HNRNPLL: variants seen among roughly 807,000 people sequenced by gnomAD.
HNRNPLL encodes the protein heterogeneous nuclear ribonucleoprotein L-like.
HNRNPLL carries 25 observed loss-of-function variants against 67.1 expected under a neutral mutation model. That is an observed-to-expected ratio of 0.37 (90% CI 0.27 to 0.52). HNRNPLL has a LOEUF of 0.52. Ranked by LOEUF, HNRNPLL falls within the 20% of genes least tolerant of loss-of-function variation. HNRNPLL has a pLI of 0.90. For synonymous variants in HNRNPLL, 267 were observed against 241.7 expected (o/e 1.10, Z -0.97); for missense variants, 542 against 673.9 (o/e 0.80, Z 2.17).
chr2:38,583,848 T>C lies in HNRNPLL; in HGVS notation c.625A>G (p.Met209Val). The C allele has an allele frequency of 6.7e-7, 1 of 1,500,366 alleles. No individual in the cohort carries two copies. The highest frequency in any genetic ancestry group is 9.2e-7 in the Non-Finnish European group (1 of 1,087,664). The allele number at this position is 1,500,366 out of a possible 1,614,324, so 92.9% of individuals were successfully genotyped here. Residue 209 changes from methionine to valine, a missense_variant, in exon 4 of 13, where the codon ATG (methionine) becomes GTG (valine). Met to Val is a conservative substitution (Grantham distance 21). Around this residue, in one of 2 missense-constraint regions of HNRNPLL, gnomAD observed 415 missense variants for 575.2 expected, o/e 0.72. Coordinates refer to ENST00000449105, the MANE Select transcript of HNRNPLL (RefSeq NM_138394.4). ...TTTACAAATAAAGGATATTCAACCATTGCTTGTATCCCATTTCTCTTGAAT... is the reference window on the plus strand; with the variant it reads ...TTTACAAATAAAGGATATTCAACCACTGCTTGTATCCCATTTCTCTTGAAT... ...VIFKRNGIQA[M>V]VEFESVLCAQ...
At chr2:38,594,483 T>C (rs1358445458) in intron 1 of HNRNPLL, among the ~76,000 whole-genome samples, 1 of 152,144 alleles carries the variant, frequency 6.6e-6, no homozygotes, top group African/African-American at 2.4e-5. Context: ...AAAAAGTATG[T>C]ATATAAATAT....
chr2:38,569,481 G>A, intron 9 of HNRNPLL, 147 bp from the exon 10 acceptor site: 3 of 604,594 alleles, frequency 5.0e-6, no homozygotes, highest in Non-Finnish European at 5.8e-6. Flanking sequence ...ATTTAGTTTG[G>A]GTTATAATCA....
At chr2:38,565,160 A>G (rs764813603) in intron 12 of HNRNPLL, among the ~76,000 whole-genome samples, 7 of 152,180 alleles carry the variant, frequency 4.6e-5, no homozygotes, top group Non-Finnish European at 1.0e-4. Context: ...ATGTATCACA[A>G]TTTTAGTATT....
chr2:38,582,198 G>C (rs993058557), intron 4 of HNRNPLL, 30 bp from the exon 5 acceptor site: 5 of 1,435,968 alleles, frequency 3.5e-6, no homozygotes, highest in South Asian at 1.1e-5. Flanking sequence ...TTCGGTTTAA[G>C]GTATCTGATA....
chr2:38,600,792 AC>A (rs1237013626), intron 1 of HNRNPLL, among the ~76,000 whole-genome samples: 1 of 151,336 alleles, frequency 6.6e-6, no homozygotes, highest in Admixed American at 6.6e-5. Flanking sequence ...ACTCTTGACC[AC>A]CCCCAAGCCC....
At chr2:38,587,644 G>A (rs1666787179) in intron 2 of HNRNPLL, among the ~76,000 whole-genome samples, 1 of 152,002 alleles carries the variant, frequency 6.6e-6, no homozygotes, top group African/African-American at 2.4e-5. Context: ...AATTCAAGAA[G>A]AAAAAATCTT....
rs2148328780 is a variant in HNRNPLL, at chr2:38,563,124, CCTTAAAT to C, written c.*1051_*1057del. On this transcript the variant is annotated 3_prime_UTR_variant, in exon 13 of 13. Transcript: ENST00000449105. Reference sequence around the variant, plus strand: ...ATAGTCTCTTAATACCATGTTTGGTCCTTAAATCTTACTTGCCTATGTATAAAATCTA... The same window carrying C: ...ATAGTCTCTTAATACCATGTTTGGTCCTTACTTGCCTATGTATAAAATCTA... The C allele has an allele frequency of 6.6e-6, 1 of 151,532 alleles. No homozygotes were observed. Among genetic ancestry groups the C allele is most frequent in the African/African-American group, 2.4e-5 (1 of 41,256 alleles). 9.4% of individuals were successfully genotyped at this position (151,532 alleles called of 1,614,324 possible).
chr2:38,594,969 T>A (rs1667112949), intron 1 of HNRNPLL, among the ~76,000 whole-genome samples: 1 of 150,612 alleles, frequency 6.6e-6, no homozygotes, highest in South Asian at 2.1e-4. Context: ...GTACCCACCA[T>A]CCAATTTAAT....
intron 1 of HNRNPLL, among the ~76,000 whole-genome samples, chr2:38,598,731 C>T (rs1270257603): frequency 6.6e-6 from 1 of 152,216 alleles, no homozygotes; most frequent in Admixed American, 6.5e-5. Flanking sequence ...CTTGATTGTG[C>T]TACTGGCTCT....
chr2:38,602,367 G>T lies in HNRNPLL; in HGVS notation c.189+71C>A, dbSNP rs1335466703. The T allele has an allele frequency of 9.2e-6, 13 of 1,414,802 alleles. 1 individual carries two copies. Among genetic ancestry groups the T allele is most frequent in the Non-Finnish European group, 1.2e-5 (13 of 1,046,688 alleles). The allele number at this position is 1,414,802 out of a possible 1,614,324, so 87.6% of individuals were successfully genotyped here. A position where few individuals can be genotyped will look rare whatever the true frequency, so the allele number is the denominator to read the frequency against. On this transcript the variant is annotated intron_variant, in intron 1 of 12. Transcript: ENST00000449105. Reference sequence around the variant, plus strand: ...AAAAGGCTAACTGAAGCAAGCGGGAGGCCCCGCACCGAGGCCCTGCTTCCC... The same window carrying T: ...AAAAGGCTAACTGAAGCAAGCGGGATGCCCCGCACCGAGGCCCTGCTTCCC...
At chr2:38,596,600 C>G (rs1166025373) in intron 1 of HNRNPLL, among the ~76,000 whole-genome samples, 1 of 152,146 alleles carries the variant, frequency 6.6e-6, no homozygotes, top group African/African-American at 2.4e-5. Context: ...TTCTTTTAAG[C>G]ATCATACTAT....
At chr2:38,580,406 G>C (rs1666477385) in intron 6 of HNRNPLL, among the ~76,000 whole-genome samples, 1 of 152,348 alleles carries the variant, frequency 6.6e-6, no homozygotes, top group South Asian at 2.1e-4. Flanking sequence ...CCTGGGAATT[G>C]AGAGTTAAAG....
intron 1 of HNRNPLL, among the ~76,000 whole-genome samples, chr2:38,596,365 TCTCC>T (rs1409763913): frequency 1.3e-5 from 2 of 152,016 alleles, no homozygotes; most frequent in Non-Finnish European, 2.9e-5. Flanking sequence ...TTCAAGCAGT[TCTCC>T]TGCCTCAGCC....
At chr2:38,592,779 A>T (rs1166418058) in intron 1 of HNRNPLL, among the ~76,000 whole-genome samples, 1 of 152,256 alleles carries the variant, frequency 6.6e-6, no homozygotes, top group African/African-American at 2.4e-5. Flanking sequence ...TTCAGAAATG[A>T]CTTCCACCGT....
Position 38,569,898 on chromosome 2 carries a change from T to C in HNRNPLL, c.1120A>G (p.Thr374Ala). 2 of 1,593,154 alleles carry C rather than the reference T, an allele frequency of 1.3e-6. No homozygotes were observed. Among genetic ancestry groups the C allele is most frequent in the Non-Finnish European group, 1.7e-6 (2 of 1,164,982 alleles). ...TCATCACCCATTTCTACCAGTGCTG[T>C]ACCAGGAATGGTCTTCATAAATTTT... ...KVKFMKTIPGTALVEMGDEYA... is the reference protein window; with the variant it reads ...KVKFMKTIPGAALVEMGDEYA... The change falls in exon 9 of 13, where the codon ACA becomes GCA. Residue 374 changes from threonine (T) to alanine (A), a missense_variant. Physicochemically the swap from Thr to Ala is moderately conservative, Grantham distance 58 (BLOSUM62 0). Transcript: ENST00000449105.
chr2:38,573,172 T>C lies in HNRNPLL; in HGVS notation c.1092+38A>G, dbSNP rs747387932. 4.4e-6 allele frequency: 6 copies of C among 1,376,070 alleles called. No homozygotes were observed. The East Asian group carries it at 1.4e-4, about 32-fold the overall frequency. The allele number at this position is 1,376,070 out of a possible 1,614,324, so 85.2% of individuals were successfully genotyped here. Reference sequence around the variant, plus strand: ...CAGCCTTTTCAGAGTTACCACTGAATATCCTAGCAAAAGAAACCAATATAA... The same window carrying C: ...CAGCCTTTTCAGAGTTACCACTGAACATCCTAGCAAAAGAAACCAATATAA... On this transcript the variant is annotated intron_variant, in intron 8 of 12. Coordinates refer to ENST00000449105, the MANE Select transcript of HNRNPLL (RefSeq NM_138394.4).
intron 9 of HNRNPLL, 63 bp downstream of exon 9, chr2:38,569,741 T>A (rs930640849): frequency 5.8e-5 from 51 of 873,408 alleles, no homozygotes; most frequent in Non-Finnish European, 8.3e-5. Flanking sequence ...TTAATGTCTC[T>A]AATAAAAAGG....
rs189673513 is a variant in HNRNPLL, at chr2:38,593,712, C to T, written c.190-2064G>A. 7.2e-5 allele frequency among the ~76,000 whole-genome samples: 11 copies of T among 152,150 alleles called. No individual in the cohort carries two copies. The East Asian group carries it at 1.9e-3, about 27-fold the overall frequency. On this transcript the variant is annotated intron_variant, in intron 1 of 12. Transcript: ENST00000449105. ...GACCAGCCTGGCCAAGATGGTGAAA[C>T]TCCGTCTCTGGTGTGGTGGAGGACG...
At chr2:38,597,080 T>A (rs1667224480) in intron 1 of HNRNPLL, among the ~76,000 whole-genome samples, 1 of 152,192 alleles carries the variant, frequency 6.6e-6, no homozygotes, top group African/African-American at 2.4e-5. Context: ...AATACTAACT[T>A]TAAATGCTAA....
Sources: allele counts gnomAD v4.1 joint callset (sites outside exome capture counted in the v4.1 genomes callset), GRCh38; gene constraint gnomAD v4.1.1; regional missense constraint gnomAD v4.1.1; transcripts MANE v1.5; gene names NCBI Gene and HGNC (gene_info 2026-07-23, HGNC 2026-07-21).